Variants in SCHIP1 observed in about 807,000 individuals in gnomAD.
SCHIP1 encodes schwannomin-interacting protein 1.
SCHIP1 carries 8 observed loss-of-function variants against 29.7 expected under a neutral mutation model. The observed-to-expected ratio is 0.27, with a 90% CI of 0.16 to 0.49. SCHIP1 has a LOEUF of 0.49. SCHIP1 is among the 20% of genes least tolerant of loss of function. SCHIP1 has a pLI of 0.99. For synonymous variants in SCHIP1, 76 were observed against 94.9 expected, an observed-to-expected ratio of 0.80 and a Z score of 1.16; for missense variants, 193 against 294.6, an observed-to-expected ratio of 0.66 and a Z score of 2.52.
chr3:159,479,335 A>G, the SCHIP1 span, among the ~76,000 whole-genome samples: 1 of 152,166 alleles, frequency 6.6e-6, no homozygotes, highest in Admixed American at 6.6e-5. Flanking sequence ...AAAGTTCAAA[A>G]AAAAATCTAA....
At chr3:159,494,829 T>C in the SCHIP1 span, among the ~76,000 whole-genome samples, 4 of 152,138 alleles carry the variant, frequency 2.6e-5, no homozygotes, top group Admixed American at 2.0e-4. Flanking sequence ...ACCAATATCC[T>C]TGATGAACAT....
the SCHIP1 span, among the ~76,000 whole-genome samples, chr3:159,777,235 A>C: frequency 6.6e-6 from 1 of 152,172 alleles, no homozygotes; most frequent in South Asian, 2.1e-4. Context: ...TTTTCATATG[A>C]GAAAACTGAG....
the SCHIP1 span, among the ~76,000 whole-genome samples, chr3:159,430,878 C>G: frequency 6.6e-6 from 1 of 152,046 alleles, no homozygotes; most frequent in African/African-American, 2.4e-5. Flanking sequence ...TCAATAGTAA[C>G]ACATTTACCA....
chr3:159,427,642 G>T, the SCHIP1 span, among the ~76,000 whole-genome samples: 1 of 150,656 alleles, frequency 6.6e-6, no homozygotes, highest in Non-Finnish European at 1.5e-5. Flanking sequence ...TAGATTCAAT[G>T]CCATCCCCAT....
the SCHIP1 span, among the ~76,000 whole-genome samples, chr3:159,737,020 C>G: frequency 7.9e-5 from 12 of 152,300 alleles, no homozygotes; most frequent in Admixed American, 2.0e-4. Context: ...AGGCGTGAGC[C>G]ACCACGCCCG....
At chr3:159,725,395 A>G in the SCHIP1 span, among the ~76,000 whole-genome samples, 1 of 151,574 alleles carries the variant, frequency 6.6e-6, no homozygotes, top group Non-Finnish European at 1.5e-5. Flanking sequence ...TCAGCCTCCA[A>G]GTAGCTGGGA....
the SCHIP1 span, among the ~76,000 whole-genome samples, chr3:159,324,510 T>C: frequency 3.5e-4 from 53 of 152,168 alleles, no homozygotes; most frequent in Admixed American, 9.2e-4. Context: ...TTTTCTTCTT[T>C]GTGAAATATT....
chr3:159,709,081 AG>A, the SCHIP1 span, among the ~76,000 whole-genome samples: 1 of 151,578 alleles, frequency 6.6e-6, no homozygotes, highest in African/African-American at 2.4e-5. Flanking sequence ...ACATGGGGGA[AG>A]GGTGCTGGTA....
chr3:159,764,997 C>T, the SCHIP1 span: 1 of 1,531,400 alleles, frequency 6.5e-7, no homozygotes, highest in Non-Finnish European at 8.8e-7. The surrounding 1 kb of genome is among the most constrained non-coding windows in gnomAD (Gnocchi z 6.1). Context: ...GCCTTCAGCC[C>T]CCAGACGGCG....
chr3:159,365,705 C>G, the SCHIP1 span, among the ~76,000 whole-genome samples: 1 of 152,108 alleles, frequency 6.6e-6, no homozygotes, highest in Admixed American at 6.6e-5. Flanking sequence ...CTATTCCTTC[C>G]AGGATGACTT....
chr3:159,595,552 C>T, the SCHIP1 span, among the ~76,000 whole-genome samples: 1 of 152,122 alleles, frequency 6.6e-6, no homozygotes, highest in African/African-American at 2.4e-5. Context: ...TCCCAAAACA[C>T]AAGACAATGG....
chr3:159,592,192 T>C, the SCHIP1 span, among the ~76,000 whole-genome samples: 2 of 152,244 alleles, frequency 1.3e-5, no homozygotes, highest in Admixed American at 6.5e-5. Context: ...GGGATCTTTT[T>C]ATCCCTCATT....
the SCHIP1 span, among the ~76,000 whole-genome samples, chr3:159,814,247 G>A: frequency 2.6e-4 from 39 of 152,318 alleles, no homozygotes; most frequent in South Asian, 6.2e-3. Context: ...GCCCAGCCCC[G>A]TTGCAGAGCA....
the SCHIP1 span, among the ~76,000 whole-genome samples, chr3:159,644,866 G>A: frequency 1.3e-5 from 2 of 151,964 alleles, no homozygotes; most frequent in Non-Finnish European, 2.9e-5. Flanking sequence ...AAATTTGGGG[G>A]AATAAAAACT....
the SCHIP1 span, among the ~76,000 whole-genome samples, chr3:159,416,725 C>T: frequency 6.6e-6 from 1 of 152,176 alleles, no homozygotes; most frequent in Non-Finnish European, 1.5e-5. Flanking sequence ...TAGAAGAATT[C>T]AATGGAAGTA....
At position 159,886,483 on chromosome 3, in the gene SCHIP1, G is replaced by A. The variant is rs904442104; in HGVS notation, c.267+159G>A. 2.2e-5 allele frequency: 13 copies of A among 596,442 alleles called. No individual in the cohort carries two copies. In the African/African-American group the frequency reaches 2.4e-4, roughly 11 times the overall value. 36.9% of individuals were successfully genotyped at this position (596,442 alleles called of 1,614,324 possible). A position where few individuals can be genotyped will look rare whatever the true frequency, so the allele number is the denominator to read the frequency against. Reference sequence around the variant, plus strand: ...CCTAAAATTTGACAATGATTAAAAAGTCAAAGTTGTAATAAAATAGAGATA... The same window carrying A: ...CCTAAAATTTGACAATGATTAAAAAATCAAAGTTGTAATAAAATAGAGATA... On this transcript the variant is annotated intron_variant, in intron 3 of 6. Transcript: ENST00000445224.
intron 2 of SCHIP1, among the ~76,000 whole-genome samples, chr3:159,879,940 C>T (rs904511955): frequency 2.6e-5 from 4 of 152,046 alleles, no homozygotes; most frequent in Non-Finnish European, 5.9e-5. Context: ...ACAGAATGGC[C>T]GGTGTGCTTA....
chr3:159,606,891 G>C, the SCHIP1 span, among the ~76,000 whole-genome samples: 2 of 152,190 alleles, frequency 1.3e-5, no homozygotes, highest in African/African-American at 4.8e-5. Flanking sequence ...TGACCCACAA[G>C]TGCTTAACCT....
the SCHIP1 span, among the ~76,000 whole-genome samples, chr3:159,661,475 T>C: frequency 6.6e-6 from 1 of 152,192 alleles, no homozygotes. Flanking sequence ...TCACAATGTA[T>C]ACTACAAATA....
Sources: allele counts gnomAD v4.1 joint callset (sites outside exome capture counted in the v4.1 genomes callset), GRCh38; gene constraint gnomAD v4.1.1; non-coding constraint Gnocchi (gnomAD v3.1); transcripts MANE v1.5; gene names NCBI Gene and HGNC (gene_info 2026-07-23, HGNC 2026-07-21).